SLC5A11: variants seen among roughly 807,000 people sequenced by gnomAD.
SLC5A11 encodes sodium/myo-inositol cotransporter 2.
In SLC5A11, 48 loss-of-function variants were observed where a neutral mutation model predicts 69.8. The observed-to-expected ratio is 0.69, with a 90% CI of 0.55 to 0.87. The LOEUF is 0.87. Ranked by LOEUF, SLC5A11 falls within the 40% of genes least tolerant of loss-of-function variation. The pLI is 0.00. For synonymous variants in SLC5A11, 319 were observed against 342.4 expected, an observed-to-expected ratio of 0.93 and a Z score of 0.75; for missense variants, 784 against 866.1, an observed-to-expected ratio of 0.91 and a Z score of 1.19.
chr16:24,885,489 A>G lies in SLC5A11; in HGVS notation c.664+1358A>G, dbSNP rs2048332845. 2.0e-5 allele frequency among the ~76,000 whole-genome samples: 3 copies of G among 152,110 alleles called. No individual in the cohort carries two copies. The South Asian group carries it at 6.2e-4, about 32-fold the overall frequency. On this transcript the variant is annotated intron_variant, in intron 8 of 15. Coordinates refer to ENST00000347898, the Ensembl canonical transcript of SLC5A11. ...TAGTGAGACTGTCTCTACAAAAAAT[A>G]AACATAAACTTACCCAGGTTTGGTG...
chr16:24,909,643 C>CAA (rs35334841), intron 14 of SLC5A11, among the ~76,000 whole-genome samples: 1,111 of 47,706 alleles, frequency 0.023, 11 homozygotes, highest in Non-Finnish European at 0.029. Context: ...CCCTGTCTCA[C>CAA]AAAAAAAAAA....
chr16:24,902,570 G>A (rs1255699886), intron 10 of SLC5A11, among the ~76,000 whole-genome samples: 1 of 131,442 alleles, frequency 7.6e-6, no homozygotes, highest in East Asian at 2.1e-4. Context: ...TTTTTGAGAC[G>A]GTGTTTTGCT....
intron 10 of SLC5A11, among the ~76,000 whole-genome samples, chr16:24,904,112 A>G (rs1249969774): frequency 1.3e-5 from 2 of 152,160 alleles, no homozygotes; most frequent in African/African-American, 2.4e-5. Flanking sequence ...CTCACTCACT[A>G]TCATGAGTAC....
At chr16:24,858,309 T>G (rs1029055507) in intron 1 of SLC5A11, among the ~76,000 whole-genome samples, 1 of 152,256 alleles carries the variant, frequency 6.6e-6, no homozygotes, top group Non-Finnish European at 1.5e-5. Flanking sequence ...TCTTTCACTC[T>G]GGGACACGTG....
chr16:24,878,930 G>T (rs1172733369), intron 7 of SLC5A11, among the ~76,000 whole-genome samples: 1 of 152,184 alleles, frequency 6.6e-6, no homozygotes, highest in Non-Finnish European at 1.5e-5. Context: ...AGCTACTCGG[G>T]AGGCTGAGGC....
At chr16:24,909,799 C>T (rs962895322) in intron 14 of SLC5A11, among the ~76,000 whole-genome samples, 3 of 147,500 alleles carry the variant, frequency 2.0e-5, no homozygotes, top group Admixed American at 1.4e-4. Context: ...ACTGCACTCC[C>T]ACCTGGGTGA....
intron 8 of SLC5A11, 47 bp from the exon 10 acceptor site, chr16:24,890,822 A>G (rs772386675): frequency 3.1e-6 from 5 of 1,588,168 alleles, no homozygotes; most frequent in Non-Finnish European, 4.3e-6. Flanking sequence ...ATCACTTGCC[A>G]TGGACCAATC....
chr16:24,848,848 G>T (rs527873140), intron 1 of SLC5A11, among the ~76,000 whole-genome samples: 20 of 152,162 alleles, frequency 1.3e-4, no homozygotes, highest in Non-Finnish European at 2.2e-4. Flanking sequence ...GGATATCGGG[G>T]AGGTAAGACT....
chr16:24,908,613 A>T (rs1175594500), intron 13 of SLC5A11, among the ~76,000 whole-genome samples: 1 of 151,886 alleles, frequency 6.6e-6, no homozygotes, highest in East Asian at 1.9e-4. Flanking sequence ...AAAAAAAAAA[A>T]AAAGCAATGA....
At chr16:24,872,203 T>A in exon 5 of SLC5A11, 1 of 1,614,160 alleles carries the variant, frequency 6.2e-7, no homozygotes, top group Non-Finnish European at 8.5e-7. Context: ...TTCCTACCCA[T>A]CTACATTGCT....
chr16:24,866,690 A>G (rs923731959), intron 3 of SLC5A11, among the ~76,000 whole-genome samples: 23 of 152,198 alleles, frequency 1.5e-4, no homozygotes, highest in African/African-American at 5.5e-4. Context: ...ATGGAAAAAT[A>G]TATAACATAC....
intron 13 of SLC5A11, 79 bp from the exon 15 acceptor site, chr16:24,908,802 G>A: frequency 7.2e-7 from 1 of 1,393,786 alleles, no homozygotes; most frequent in Non-Finnish European, 9.9e-7. Flanking sequence ...AGAAAGACAA[G>A]TCCTGGAGAT....
intron 1 of SLC5A11, among the ~76,000 whole-genome samples, chr16:24,849,622 A>C (rs185712295): frequency 0.017 from 2,155 of 128,194 alleles, 59 homozygotes; most frequent in Non-Finnish European, 0.025. Context: ...ATATATATAT[A>C]TCCATGAGAG....
chr16:24,869,836 T>G, intron 3 of SLC5A11, 65 bp from the exon 5 acceptor site: 1 of 1,131,226 alleles, frequency 8.8e-7, no homozygotes, highest in Non-Finnish European at 1.3e-6. Context: ...ATGGAAATAA[T>G]TGGGGGTGGG....
At chr16:24,892,345 G>A (rs949579281) in intron 9 of SLC5A11, among the ~76,000 whole-genome samples, 2 of 150,694 alleles carry the variant, frequency 1.3e-5, no homozygotes, top group Admixed American at 1.3e-4. Flanking sequence ...GTTTGCAGCA[G>A]AAGGAACACC....
intron 14 of SLC5A11, among the ~76,000 whole-genome samples, chr16:24,909,829 T>TA (rs3050359): frequency 0.18 from 18,535 of 103,462 alleles, 1,788 homozygotes; most frequent in African/African-American, 0.27. Flanking sequence ...AGCCTGTCTT[T>TA]AAAAAAAAAA....
chr16:24,856,597 C>CAAAAAAA (rs35867622), intron 1 of SLC5A11, among the ~76,000 whole-genome samples: 19 of 88,826 alleles, frequency 2.1e-4, no homozygotes, highest in African/African-American at 5.6e-4. Flanking sequence ...ACTAAAAATA[C>CAAAAAAA]AAAAAAAAAA....
At chr16:24,875,766 A>T in intron 6 of SLC5A11, 35 bp downstream of exon 7, 2 of 1,516,702 alleles carry the variant, frequency 1.3e-6, no homozygotes, top group Non-Finnish European at 1.8e-6. Context: ...TCACCCATGC[A>T]GCATGGGGAG....
intron 5 of SLC5A11, among the ~76,000 whole-genome samples, chr16:24,874,071 C>T (rs1231579172): frequency 6.6e-6 from 1 of 152,202 alleles, no homozygotes; most frequent in Non-Finnish European, 1.5e-5. Context: ...AGGTGATCCA[C>T]CCACCTCAGT....
Sources: allele counts gnomAD v4.1 joint callset (sites outside exome capture counted in the v4.1 genomes callset), GRCh38; gene constraint gnomAD v4.1.1; transcripts MANE v1.5; gene names NCBI Gene and HGNC (gene_info 2026-07-23, HGNC 2026-07-21).